The following SBDS variants were observed in gnomAD, a reference collection of about 807,000 sequenced individuals.
SBDS encodes ribosome maturation protein SBDS.
Under a neutral mutation model 26.4 loss-of-function variants are expected in SBDS, and 20 were observed. The ratio of observed to expected loss-of-function variants is 0.76; its 90% CI spans 0.53 to 1.10. The LOEUF (loss-of-function observed/expected upper bound fraction) is 1.10. SBDS is among the 50% of genes least tolerant of loss of function. The probability of loss-of-function intolerance (pLI) is 0.00; values close to 1 mark genes in which losing one functional copy is unlikely to be tolerated. For missense variants in SBDS, 241 were observed against 302.0 expected, an observed-to-expected ratio of 0.80 and a Z score of 1.50; for synonymous variants, 95 against 105.1, an observed-to-expected ratio of 0.90 and a Z score of 0.59.
At chr7:66,994,124 T>A in intron 2 of SBDS, 88 bp downstream of exon 2, 1 of 1,327,404 alleles carries the variant, frequency 7.5e-7, no homozygotes, top group Non-Finnish European at 1.1e-6. Context: ...TAGTCTTTCC[T>A]CCAGAAAAAC....
intron 1 of SBDS, 98 bp from the exon 2 acceptor site, chr7:66,994,439 A>C: frequency 9.1e-7 from 1 of 1,097,372 alleles, no homozygotes. Context: ...GAACGGCAAG[A>C]CACAACAAAT....
In SBDS at chr7:66,993,325, G is replaced by A. The variant is rs764577561; in HGVS notation, c.351C>T (p.Asp117=). The A allele has an allele frequency of 1.2e-5, 20 of 1,613,870 alleles. No homozygotes were observed. The highest frequency in any genetic ancestry group is 1.7e-5 in the Admixed American group (1 of 59,990). The change falls in exon 3 of 5, where the codon GAC becomes GAT. Residue 117 remains aspartate, a synonymous_variant. Transcript: ENST00000246868. ...TCTTTGTTTCAGGATTCACACATTTGTCTGCCACAATAGTTGCAATGTCCC... is the reference window on the plus strand; with the variant it reads ...TCTTTGTTTCAGGATTCACACATTTATCTGCCACAATAGTTGCAATGTCCC... ...MFRDIATIVA[D]KCVNPETKRP...
In SBDS at chr7:66,995,447, G is replaced by C; in HGVS notation, c.-30C>G. On this transcript the variant is annotated 5_prime_UTR_variant, in exon 1 of 5. Transcript: ENST00000246868. ...GCTGTTCAAAGACCCAGAAGCCGGCGAACCAGGGCTGACCCGCGCCGTCCA... is the reference window on the plus strand; with the variant it reads ...GCTGTTCAAAGACCCAGAAGCCGGCCAACCAGGGCTGACCCGCGCCGTCCA... 6.2e-7 allele frequency: 1 copy of C among 1,612,762 alleles called. No individual in the cohort carries two copies. The highest frequency in any genetic ancestry group is 1.3e-5 in the African/African-American group (1 of 75,024).
At position 66,988,578 on chromosome 7, in the gene SBDS, G is replaced by A. The variant is rs1170211828; in HGVS notation, c.625-79C>T. 1.2e-5 allele frequency: 18 copies of A among 1,519,688 alleles called. No homozygotes were observed. The East Asian group carries it at 2.3e-4, about 19-fold the overall frequency. 94.1% of individuals were successfully genotyped at this position (1,519,688 alleles called of 1,614,324 possible). On this transcript the variant is annotated intron_variant, in intron 4 of 4. Coordinates refer to ENST00000246868, the MANE Select transcript of SBDS (RefSeq NM_016038.4). ...AAACTCAGCTTTAACTTCCTTTGAG[G>A]CAAGCACAATGCTGTCCAGATCTCT...
intron 4 of SBDS, among the ~76,000 whole-genome samples, chr7:66,990,628 T>C (rs1475660788): frequency 6.6e-6 from 1 of 152,202 alleles, no homozygotes; most frequent in South Asian, 2.1e-4. Flanking sequence ...TAAAATCATG[T>C]ATCTAAAACA....
chr7:66,995,299 C>G lies in SBDS; in HGVS notation c.119G>C (p.Arg40Pro). The G allele has an allele frequency of 6.2e-7, 1 of 1,613,878 alleles. No individual in the cohort carries two copies. Reference sequence around the variant, plus strand: ...GGAGGGGGCTACTCACACGCCGCTCCGCCAGCCGACGACCTTGTTTTTGTA... The same window carrying G: ...GGAGGGGGCTACTCACACGCCGCTCGGCCAGCCGACGACCTTGTTTTTGTA... ...ACYKNKVVGW[R>P]SGVEKDLDEV... The change falls in exon 1 of 5, where the codon CGG becomes CCG. Residue 40 changes from arginine (R) to proline (P), a missense_variant. Physicochemically the swap from Arg to Pro is moderately radical, Grantham distance 103. Coordinates refer to ENST00000246868, the MANE Select transcript of SBDS (RefSeq NM_016038.4).
At position 66,993,247 on chromosome 7, in the gene SBDS, C is replaced by G; in HGVS notation, c.429G>C (p.Ser143=). 6.2e-7 allele frequency: 1 copy of G among 1,614,056 alleles called. No individual in the cohort carries two copies. Among genetic ancestry groups the G allele is most frequent in the Non-Finnish European group, 8.5e-7 (1 of 1,180,020 alleles). ...IERAMKDIHY[S]VKTNKSTKQQ... ...GTTTTGTACTCTTGTTGGTTTTCAC[C>G]GAATAGTGGATGTCCTTCATGGCTC... The change falls in exon 3 of 5, where the codon TCG becomes TCC. Residue 143 remains serine, a synonymous_variant. Coordinates refer to ENST00000246868, the MANE Select transcript of SBDS (RefSeq NM_016038.4).
chr7:66,994,417 T>A, intron 1 of SBDS, 76 bp from the exon 2 acceptor site: 1 of 1,283,170 alleles, frequency 7.8e-7, no homozygotes, highest in Non-Finnish European at 1.1e-6. Context: ...AAATACGAGA[T>A]GGCAACAACA....
intron 2 of SBDS, 128 bp downstream of exon 2, chr7:66,994,084 G>A: frequency 1.3e-6 from 1 of 789,698 alleles, no homozygotes; most frequent in East Asian, 2.9e-5. Flanking sequence ...TATTAGAAGT[G>A]ACACTGTGCA....
intron 2 of SBDS, among the ~76,000 whole-genome samples, chr7:66,993,942 T>C: frequency 6.8e-6 from 1 of 145,986 alleles, no homozygotes; most frequent in Non-Finnish European, 1.5e-5. Flanking sequence ...TTTTCAGGTA[T>C]ACCACATTCT....
Position 66,995,273 on chromosome 7 carries a change from G to A in SBDS, c.128+17C>T, listed in dbSNP as rs1234348532. The A allele has an allele frequency of 4.3e-6, 7 of 1,613,322 alleles. No individual in the cohort carries two copies. In the African/African-American group the frequency reaches 8.0e-5, roughly 18 times the overall value. On this transcript the variant is annotated intron_variant, in intron 1 of 4. Coordinates refer to ENST00000246868, the MANE Select transcript of SBDS (RefSeq NM_016038.4). ...GGCTCAGGCCCAGGCCCAGGCCCGA[G>A]GGAGGGGGCTACTCACACGCCGCTC...
chr7:66,993,677 C>T (rs1793023294), intron 2 of SBDS, among the ~76,000 whole-genome samples: 1 of 152,062 alleles, frequency 6.6e-6, no homozygotes, highest in Non-Finnish European at 1.5e-5. Context: ...AGTTTGAGAC[C>T]AACCTGGCCA....
At chr7:66,991,477 C>G (rs1792973779) in intron 3 of SBDS, among the ~76,000 whole-genome samples, 176 bp from the exon 4 acceptor site, 1 of 151,924 alleles carries the variant, frequency 6.6e-6, no homozygotes, top group Non-Finnish European at 1.5e-5. Context: ...AGAAGAAAAG[C>G]TTTTGTGTTT....
At chr7:66,994,998 T>A (rs1353785129) in intron 1 of SBDS, among the ~76,000 whole-genome samples, 1 of 152,230 alleles carries the variant, frequency 6.6e-6, no homozygotes, top group East Asian at 1.9e-4. Flanking sequence ...TCAGCCATCA[T>A]TATTCTAGGA....
At position 66,994,286 on chromosome 7, in the gene SBDS, T is replaced by A. The variant is rs120074160; in HGVS notation, c.184A>T (p.Lys62Ter). ...TCTTCCTTTTTGGCAACCTGACCTTTAGAAACATTTACAAACACTGAGTGG... is the reference window on the plus strand; with the variant it reads ...TCTTCCTTTTTGGCAACCTGACCTTAAGAAACATTTACAAACACTGAGTGG... ...QTHSVFVNVS[K>*]GQVAKKEDLI... The change falls in exon 2 of 5, where the codon AAA becomes TAA. Residue 62 changes from lysine to a stop codon, truncating the protein, a stop_gained. Coordinates refer to ENST00000246868, the MANE Select transcript of SBDS (RefSeq NM_016038.4). LOFTEE classifies it high-confidence loss of function. The A allele has an allele frequency of 5.3e-4, 850 of 1,613,228 alleles. No individual in the cohort carries two copies. Among genetic ancestry groups the A allele is most frequent in the Admixed American group, 1.2e-3 (69 of 59,956 alleles).
Position 66,991,252 on chromosome 7 carries a change from G to C in SBDS, c.509C>G (p.Ala170Gly). 2.5e-6 allele frequency: 4 copies of C among 1,613,562 alleles called. No homozygotes were observed. Among genetic ancestry groups the C allele is most frequent in the Non-Finnish European group, 3.4e-6 (4 of 1,179,816 alleles). ...AAGGATGAACCGAAGCCTCATGTGA[G>C]CACGTTCTATCTTCATTTTCTCTTT... ...QLKEKMKIER[A>G]HMRLRFILPV... The change falls in exon 4 of 5, where the codon GCT becomes GGT. Residue 170 changes from alanine to glycine, a missense_variant. By Grantham distance (60) the Ala-to-Gly change is moderately conservative. Transcript: ENST00000246868.
At position 66,991,302 on chromosome 7, in the gene SBDS, C is replaced by T. The variant is rs1792969582; in HGVS notation, c.460-1G>A. 3 of 1,606,512 alleles carry T rather than the reference C, an allele frequency of 1.9e-6. No individual in the cohort carries two copies. The highest frequency in any genetic ancestry group is 2.6e-6 in the Non-Finnish European group (3 of 1,175,298). ...TTAACTGCTTTATCACTTCCAAAGC[C>T]TACCAAGACAAAATCGAGAATGCAA... On this transcript the variant is annotated splice_acceptor_variant, in intron 3 of 4. Coordinates refer to ENST00000246868, the MANE Select transcript of SBDS (RefSeq NM_016038.4). LOFTEE classifies it high-confidence loss of function.
chr7:66,992,636 T>G (rs1584436300), intron 3 of SBDS, among the ~76,000 whole-genome samples: 1 of 152,220 alleles, frequency 6.6e-6, no homozygotes, highest in East Asian at 1.9e-4. Flanking sequence ...ACCCCGTCCT[T>G]TTCCTCCATC....
In SBDS at chr7:66,991,187, G is replaced by C. The variant is rs1208145372; in HGVS notation, c.574C>G (p.Pro192Ala). The C allele has an allele frequency of 6.2e-7, 1 of 1,613,884 alleles. No homozygotes were observed. Among genetic ancestry groups the C allele is most frequent in the Non-Finnish European group, 8.5e-7 (1 of 1,179,982 alleles). The stretch of plus-strand genomic sequence containing the variant: ...TCACTTTCTATGACCTTGATCAGTG[G>C]CTTGAGCTTTTCTTTCAGCTTCTTG... ...EGKKLKEKLKPLIKVIESEDY... is the reference protein window; with the variant it reads ...EGKKLKEKLKALIKVIESEDY... The change falls in exon 4 of 5, where the codon CCA (proline) becomes GCA (alanine). Residue 192 changes from proline to alanine, a missense_variant. Coordinates refer to ENST00000246868, the MANE Select transcript of SBDS (RefSeq NM_016038.4).
Sources: allele counts gnomAD v4.1 joint callset (sites outside exome capture counted in the v4.1 genomes callset), GRCh38; gene constraint gnomAD v4.1.1; transcripts MANE v1.5; gene names NCBI Gene and HGNC (gene_info 2026-07-23, HGNC 2026-07-21).